Variants in PLA2G4D observed in about 807,000 individuals in gnomAD.
The protein encoded by PLA2G4D is phospholipase A2 group IVD, also known as cytosolic phospholipase A2 delta.
A neutral mutation model predicts 94.4 loss-of-function variants in PLA2G4D; 80 were observed. The observed-to-expected ratio is 0.85, with a 90% confidence interval of 0.71 to 1.02. PLA2G4D has a LOEUF of 1.02. PLA2G4D is among the 50% of genes least tolerant of loss of function. The probability of loss-of-function intolerance (pLI) is 0.00; values close to 1 mark genes in which losing one functional copy is unlikely to be tolerated. For missense variants in PLA2G4D, 1,050 were observed against 1,034.7 expected, an observed-to-expected ratio of 1.01 and a Z score of -0.20; for synonymous variants, 438 against 440.9, an observed-to-expected ratio of 0.99 and a Z score of 0.08.
At chr15:42,087,745 C>A (rs1354438640) in intron 1 of PLA2G4D, 45 bp from the exon 2 acceptor site, 4 of 1,592,514 alleles carry the variant, frequency 2.5e-6, no homozygotes, top group South Asian at 2.2e-5. Context: ...CATTCCCTCC[C>A]TTATGCCTGG....
intron 1 of PLA2G4D, among the ~76,000 whole-genome samples, chr15:42,092,913 C>A (rs1290111285): frequency 6.6e-6 from 1 of 152,180 alleles, no homozygotes; most frequent in African/African-American, 2.4e-5. Flanking sequence ...AATGAGCAGA[C>A]CCACCCTGTC....
intron 1 of PLA2G4D, among the ~76,000 whole-genome samples, chr15:42,091,511 C>A (rs746717236): frequency 1.3e-5 from 2 of 152,186 alleles, no homozygotes; most frequent in Non-Finnish European, 2.9e-5. Context: ...TGTTGCCAGG[C>A]GGACCATGGT....
intron 13 of PLA2G4D, among the ~76,000 whole-genome samples, chr15:42,074,021 C>T (rs537204390): frequency 4.6e-5 from 7 of 152,294 alleles, no homozygotes; most frequent in Admixed American, 2.6e-4. Context: ...TGGTGGTGTA[C>T]GTACGAGTCA....
intron 16 of PLA2G4D, 53 bp from the exon 17 acceptor site, chr15:42,071,370 C>T: frequency 2.5e-6 from 4 of 1,569,414 alleles, no homozygotes; most frequent in Non-Finnish European, 2.6e-6. Flanking sequence ...TTCTTCCCCT[C>T]AGACACCGCA....
chr15:42,078,816 G>A (rs1889977360), intron 13 of PLA2G4D, among the ~76,000 whole-genome samples: 1 of 151,848 alleles, frequency 6.6e-6, no homozygotes, highest in African/African-American at 2.4e-5. Flanking sequence ...GCTTTGTTCA[G>A]ATAGTTATGT....
rs543455363 is a variant in PLA2G4D at position 42,086,187 on chromosome 15, G to A, written c.387+26C>T. 4.1e-4 allele frequency: 586 copies of A among 1,445,034 alleles called. 11 individuals carry two copies. Among genetic ancestry groups the A allele is most frequent in the Admixed American group, 7.3e-4 (33 of 45,076 alleles). The allele number at this position is 1,445,034 out of a possible 1,614,324, so 89.5% of individuals were successfully genotyped here. A position where few individuals can be genotyped will look rare whatever the true frequency, so the allele number is the denominator to read the frequency against. On this transcript the variant is annotated intron_variant, in intron 4 of 19. Coordinates refer to ENST00000290472, the MANE Select transcript of PLA2G4D (RefSeq NM_178034.4). ...TGGAGTTGGAAGAAGTGGGGCCCAC[G>A]GGGACTTCCCCACCCACCCACCCAC...
At chr15:42,079,954 C>G (rs868618896) in intron 12 of PLA2G4D, among the ~76,000 whole-genome samples, 195 bp from the exon 13 acceptor site, 10 of 152,236 alleles carry the variant, frequency 6.6e-5, no homozygotes, top group African/African-American at 2.2e-4. Context: ...GTGAGCCACA[C>G]ACGGAATTTT....
At position 42,084,824 on chromosome 15, in the gene PLA2G4D, G is replaced by T. The variant is rs142992663; in HGVS notation, c.471+272C>A. The stretch of plus-strand genomic sequence containing the variant: ...CTAGAACTATGAGTTCACCGCAGGT[G>T]ACTAAACACCTTCCGGAAGCACCCC... On this transcript the variant is annotated intron_variant, in intron 6 of 19. Transcript: ENST00000290472. This position sits in a 1 kb window ranked among gnomAD's most constrained non-coding sequence, Gnocchi z 4.8. Among the ~76,000 whole-genome samples the T allele has an allele frequency of 8.7e-4, 132 of 152,296 alleles. 2 individuals carry two copies. The East Asian group carries it at 0.025, about 29-fold the overall frequency.
rs1408616183 is a variant in PLA2G4D at position 42,070,803 on chromosome 15, T to C, written c.1957A>G (p.Asn653Asp). ...LCLVDAAYFI[N>D]TSSPSMFRPG... The stretch of plus-strand genomic sequence containing the variant: ...CGGAACATGGAGGGAGAGCTGGTGT[T>C]GATGAAGTAGGCGGCGTCCACCAGG... Residue 653 changes from asparagine (N) to aspartate (D), a missense_variant, in exon 18 of 20, where the codon AAC becomes GAC. Physicochemically the swap from Asn to Asp is conservative, Grantham distance 23. Transcript: ENST00000290472. 2 of 1,607,818 alleles carry C rather than the reference T, an allele frequency of 1.2e-6. No individual in the cohort carries two copies. The highest frequency in any genetic ancestry group is 2.7e-5 in the African/African-American group (2 of 74,810).
chr15:42,078,273 C>T (rs1889966461), intron 13 of PLA2G4D, among the ~76,000 whole-genome samples: 1 of 152,190 alleles, frequency 6.6e-6, no homozygotes, highest in Admixed American at 6.5e-5. Flanking sequence ...TTGAGGCTCC[C>T]TTGCCCTGCA....
At chr15:42,081,864 A>T in intron 9 of PLA2G4D, 30 bp from the exon 10 acceptor site, 1 of 1,607,344 alleles carries the variant, frequency 6.2e-7, no homozygotes, top group Non-Finnish European at 8.5e-7. Flanking sequence ...CTCTGCTCAG[A>T]CCCTCCTAGA....
At position 42,071,516 on chromosome 15, in the gene PLA2G4D, C is replaced by G; in HGVS notation, c.1609G>C (p.Asp537His). 1 of 1,613,946 alleles carries G rather than the reference C, an allele frequency of 6.2e-7. No individual in the cohort carries two copies. Among genetic ancestry groups the G allele is most frequent in the Non-Finnish European group, 8.5e-7 (1 of 1,179,898 alleles). ...WSNIFSLNLL[D>H]AWYDLTSSGE... ...GAACTGGTGAGGTCATACCAGGCAT[C>G]CAGCAGGTTCAGGGAGAAAATGTTG... Residue 537 changes from aspartate (D) to histidine (H), a missense_variant, in exon 16 of 20, where the codon GAT (aspartate) becomes CAT (histidine). Asp to His is a moderately conservative substitution (Grantham distance 81). Transcript: ENST00000290472.
At position 42,083,470 on chromosome 15, in the gene PLA2G4D, GC is replaced by G. The variant is rs1331022658; in HGVS notation, c.536-137del. ...CATCGTCAACAGCATTCTGAAAAGG[GC>G]CCTTCCCAGCCCAAGGGGCCCCACA... On this transcript the variant is annotated intron_variant, in intron 7 of 19. Transcript: ENST00000290472. The G allele has an allele frequency of 2.2e-6, 3 of 1,350,910 alleles. No homozygotes were observed. The African/African-American group carries it at 4.4e-5, about 20-fold the overall frequency. The allele number at this position is 1,350,910 out of a possible 1,614,324, so 83.7% of individuals were successfully genotyped here.
At chr15:42,090,245 C>A (rs191391634) in intron 1 of PLA2G4D, among the ~76,000 whole-genome samples, 1 of 152,152 alleles carries the variant, frequency 6.6e-6, no homozygotes, top group African/African-American at 2.4e-5. Context: ...AATGTTAATG[C>A]CTGCAGACTG....
At chr15:42,070,195 C>T in intron 18 of PLA2G4D, 100 bp from the exon 19 acceptor site, 1 of 1,195,672 alleles carries the variant, frequency 8.4e-7, no homozygotes, top group African/African-American at 1.6e-5. Context: ...AGACAACAGC[C>T]TGGCTCTGTC....
At chr15:42,094,012 C>G (rs894934011) in intron 1 of PLA2G4D, among the ~76,000 whole-genome samples, 1 of 152,120 alleles carries the variant, frequency 6.6e-6, no homozygotes, top group African/African-American at 2.4e-5. Flanking sequence ...GGGATTTGGG[C>G]CCCCAGAGCT....
chr15:42,091,898 ACACGTGACC>A, intron 1 of PLA2G4D, among the ~76,000 whole-genome samples: 1 of 152,244 alleles, frequency 6.6e-6, no homozygotes, highest in Middle Eastern at 3.4e-3. Context: ...TGTCCAGTGG[ACACGTGACC>A]CACGTGACCT....
At chr15:42,069,041 C>T (rs1889747066) in intron 19 of PLA2G4D, 100 bp from the exon 20 acceptor site, 3 of 987,562 alleles carry the variant, frequency 3.0e-6, no homozygotes, top group Non-Finnish European at 4.5e-6. Flanking sequence ...GGGGCCCCTG[C>T]TTTCCTCCCA....
At chr15:42,088,629 G>A (rs1050847702) in intron 1 of PLA2G4D, among the ~76,000 whole-genome samples, 5 of 152,166 alleles carry the variant, frequency 3.3e-5, no homozygotes, top group South Asian at 2.1e-4. Context: ...TACTCAAATC[G>A]GTTTGGCAGG....
Sources: allele counts gnomAD v4.1 joint callset (sites outside exome capture counted in the v4.1 genomes callset), GRCh38; gene constraint gnomAD v4.1.1; non-coding constraint Gnocchi (gnomAD v3.1); transcripts MANE v1.5; gene names NCBI Gene and HGNC (gene_info 2026-07-23, HGNC 2026-07-21).